The following NFXL1 variants were observed in gnomAD, a reference collection of about 807,000 sequenced individuals.
The protein encoded by NFXL1 is NF-X1-type zinc finger protein NFXL1.
In NFXL1, 66 loss-of-function variants were observed where a neutral mutation model predicts 123.3. The observed-to-expected ratio is 0.54, with a 90% CI of 0.44 to 0.66. NFXL1 has a LOEUF of 0.66. NFXL1 is among the 30% of genes least tolerant of loss of function. The pLI, the probability that NFXL1 is intolerant of heterozygous loss-of-function variation, is 0.00. For missense variants in NFXL1, 944 were observed against 1,125.6 expected (o/e 0.84, Z 2.31); for synonymous variants, 346 against 360.8 (o/e 0.96, Z 0.46).
At chr4:47,896,420 G>A (rs895041907) in intron 10 of NFXL1, 103 bp downstream of exon 10, 21 of 850,566 alleles carry the variant, frequency 2.5e-5, no homozygotes, top group Non-Finnish European at 3.8e-6. Flanking sequence ...TCATGACACA[G>A]ATGTATATGA....
intron 8 of NFXL1, 46 bp from the exon 9 acceptor site, chr4:47,898,127 CAAA>C (rs773324015): frequency 8.6e-7 from 1 of 1,166,108 alleles, no homozygotes; most frequent in Non-Finnish European, 1.2e-6. Context: ...TAAAAGTTAA[CAAA>C]AAAAGACTTC....
Position 47,862,899 on chromosome 4 carries a change from C to A in NFXL1, c.2263G>T (p.Asp755Tyr). The A allele has an allele frequency of 6.4e-7, 1 of 1,572,726 alleles. No homozygotes were observed. The highest frequency in any genetic ancestry group is 8.6e-7 in the Non-Finnish European group (1 of 1,162,848). Residue 755 changes from aspartate (D) to tyrosine (Y), a missense_variant, in exon 19 of 23, where the codon GAT becomes TAT. Coordinates refer to ENST00000507489, the MANE Select transcript of NFXL1 (RefSeq NM_001278624.2). ...CTGAGGAGGTTCTTTTCATTTACATCAGCTGTGGTTATTTTTCTAAAAATA... is the reference window on the plus strand; with the variant it reads ...CTGAGGAGGTTCTTTTCATTTACATAAGCTGTGGTTATTTTTCTAAAAATA... ...YVECRKITTA[D>Y]VNEKNLLSCC...
chr4:47,878,140 G>C (rs1735864615), intron 17 of NFXL1, among the ~76,000 whole-genome samples: 1 of 151,972 alleles, frequency 6.6e-6, no homozygotes, highest in Admixed American at 6.6e-5. Flanking sequence ...TGTGTGTCAG[G>C]TTTGAAAACT....
At chr4:47,908,362 T>C (rs1737657708) in intron 3 of NFXL1, among the ~76,000 whole-genome samples, 1 of 151,906 alleles carries the variant, frequency 6.6e-6, no homozygotes, top group Non-Finnish European at 1.5e-5. Context: ...AGTTCAAGAT[T>C]GTAGGGAGCT....
chr4:47,884,506 G>A, intron 14 of NFXL1, 69 bp from the exon 15 acceptor site: 1 of 952,496 alleles, frequency 1.0e-6, no homozygotes, highest in Non-Finnish European at 1.7e-6. Flanking sequence ...AAGAATCTAA[G>A]AAAATAGTTC....
At chr4:47,886,056 T>C in intron 12 of NFXL1, 57 bp from the exon 13 acceptor site, 5 of 1,518,098 alleles carry the variant, frequency 3.3e-6, no homozygotes, top group Non-Finnish European at 4.5e-6. Flanking sequence ...TGCCTATTAA[T>C]GGTAAAATAC....
At chr4:47,855,032 G>A in intron 20 of NFXL1, 27 bp downstream of exon 20, 1 of 965,860 alleles carries the variant, frequency 1.0e-6, no homozygotes, top group South Asian at 1.8e-5. Flanking sequence ...ATATAGAAAA[G>A]TATTTTCAAT....
At chr4:47,911,912 A>T (rs1355185162) in intron 2 of NFXL1, among the ~76,000 whole-genome samples, 1 of 152,242 alleles carries the variant, frequency 6.6e-6, no homozygotes, top group Non-Finnish European at 1.5e-5. Flanking sequence ...AACTGATCTG[A>T]GTTCATGAAT....
intron 11 of NFXL1, among the ~76,000 whole-genome samples, chr4:47,891,040 A>T (rs951453138): frequency 1.6e-4 from 25 of 152,206 alleles, no homozygotes; most frequent in African/African-American, 3.4e-4. Flanking sequence ...TCTGGTTTTT[A>T]AAAAAAATTT....
At position 47,848,062 on chromosome 4, in the gene NFXL1, G is replaced by T; in HGVS notation, c.*101C>A. The T allele has an allele frequency of 1.4e-6, 1 of 710,020 alleles. No homozygotes were observed. 44.0% of individuals were successfully genotyped at this position (710,020 alleles called of 1,614,324 possible). A position where few individuals can be genotyped will look rare whatever the true frequency, so the allele number is the denominator to read the frequency against. On this transcript the variant is annotated 3_prime_UTR_variant, in exon 23 of 23. Coordinates refer to ENST00000507489, the MANE Select transcript of NFXL1 (RefSeq NM_001278624.2). ...CAGCTGAGAGAATACAGAGATGAAT[G>T]TAAATATATATCATGTTCTATAATA...
At chr4:47,859,363 C>T (rs1734593547) in intron 19 of NFXL1, among the ~76,000 whole-genome samples, 1 of 152,168 alleles carries the variant, frequency 6.6e-6, no homozygotes, top group Admixed American at 6.5e-5. Flanking sequence ...ATAGCGCTTA[C>T]CATTAACTAA....
chr4:47,883,785 T>G (rs1418290742), intron 15 of NFXL1, among the ~76,000 whole-genome samples: 1 of 152,244 alleles, frequency 6.6e-6, no homozygotes, highest in African/African-American at 2.4e-5. Context: ...AACTTTATGT[T>G]GCTTCTCAGC....
At chr4:47,904,021 A>G (rs1259961566) in intron 4 of NFXL1, among the ~76,000 whole-genome samples, 1 of 152,250 alleles carries the variant, frequency 6.6e-6, no homozygotes, top group African/African-American at 2.4e-5. Context: ...GACATGTAGC[A>G]TATCGCATGA....
At chr4:47,850,611 C>A (rs1000242218) in intron 22 of NFXL1, among the ~76,000 whole-genome samples, 2 of 151,826 alleles carry the variant, frequency 1.3e-5, no homozygotes, top group African/African-American at 4.8e-5. Context: ...GTTATAATCC[C>A]GCATTTAAAG....
At chr4:47,910,511 A>G (rs1737776270) in intron 3 of NFXL1, among the ~76,000 whole-genome samples, 1 of 152,212 alleles carries the variant, frequency 6.6e-6, no homozygotes, top group African/African-American at 2.4e-5. Context: ...ACAACCAGAA[A>G]AAACTTGCCC....
At chr4:47,891,120 T>C (rs1415988458) in intron 11 of NFXL1, among the ~76,000 whole-genome samples, 2 of 150,570 alleles carry the variant, frequency 1.3e-5, no homozygotes, top group Non-Finnish European at 1.5e-5. Flanking sequence ...TTTTCTTTTT[T>C]TTTTTTTTCT....
intron 17 of NFXL1, among the ~76,000 whole-genome samples, chr4:47,875,733 A>C (rs1405048084): frequency 1.3e-5 from 2 of 152,206 alleles, no homozygotes; most frequent in African/African-American, 4.8e-5. Flanking sequence ...ATTCCAAAGC[A>C]CTAAACAGTC....
Position 47,898,728 on chromosome 4 carries a change from C to T in NFXL1, c.1089+29G>A, listed in dbSNP as rs748545922. ...TCTATGCTTTCTGTACTCTTTAATA[C>T]CCACCCCTCAAAATGCATATAAACT... On this transcript the variant is annotated intron_variant, in intron 8 of 22. Transcript: ENST00000507489. The T allele has an allele frequency of 2.9e-5, 33 of 1,145,152 alleles. 2 individuals carry two copies. In the Middle Eastern group the frequency reaches 3.3e-3, roughly 115 times the overall value. 70.9% of individuals were successfully genotyped at this position (1,145,152 alleles called of 1,614,324 possible). A position where few individuals can be genotyped will look rare whatever the true frequency, so the allele number is the denominator to read the frequency against.
intron 12 of NFXL1, among the ~76,000 whole-genome samples, chr4:47,887,876 T>C (rs887071659): frequency 2.0e-5 from 3 of 152,014 alleles, no homozygotes; most frequent in African/African-American, 7.2e-5. Flanking sequence ...AGAAATAGCA[T>C]AGGGAGACTA....
Sources: allele counts gnomAD v4.1 joint callset (sites outside exome capture counted in the v4.1 genomes callset), GRCh38; gene constraint gnomAD v4.1.1; transcripts MANE v1.5; gene names NCBI Gene and HGNC (gene_info 2026-07-23, HGNC 2026-07-21).